PRPF40B: variants seen among roughly 807,000 people sequenced by gnomAD.
The protein encoded by PRPF40B is pre-mRNA processing factor 40B, also known as pre-mRNA-processing factor 40 homolog B.
In PRPF40B, 56 loss-of-function variants were observed where a neutral mutation model predicts 124.5. That is an observed-to-expected ratio of 0.45 (90% CI 0.36 to 0.56). PRPF40B has a LOEUF of 0.56. PRPF40B is among the 20% of genes least tolerant of loss of function. The pLI, the probability that PRPF40B is intolerant of heterozygous loss-of-function variation, is 0.00. For synonymous variants in PRPF40B, 443 were observed against 426.4 expected, an observed-to-expected ratio of 1.04 and a Z score of -0.48; for missense variants, 1,053 against 1,169.5, an observed-to-expected ratio of 0.90 and a Z score of 1.45.
Position 49,637,434 on chromosome 12 carries a change from T to C in PRPF40B, c.1561-36T>C, listed in dbSNP as rs372958137. On this transcript the variant is annotated intron_variant, in intron 16 of 25. Coordinates refer to ENST00000548825, the MANE Select transcript of PRPF40B (RefSeq NM_001031698.3). ...CTCAGTCTGTGGCTCTGCCTCCCTG[T>C]CTCACTCTCCCTATAACTGGCCTCT... The C allele has an allele frequency of 4.1e-6, 6 of 1,471,948 alleles. No homozygotes were observed. The African/African-American group carries it at 8.3e-5, about 20-fold the overall frequency. 91.2% of individuals were successfully genotyped at this position (1,471,948 alleles called of 1,614,324 possible).
Position 49,635,323 on chromosome 12 carries a change from T to G in PRPF40B, c.1167-42T>G, listed in dbSNP as rs772661061. On this transcript the variant is annotated intron_variant, in intron 13 of 25. Coordinates refer to ENST00000548825, the MANE Select transcript of PRPF40B (RefSeq NM_001031698.3). This position sits in a 1 kb window ranked among gnomAD's most constrained non-coding sequence, Gnocchi z 4.1. ...CCTGAGAACACAAAGGTCCAGGGTCTCTGTTCTCTGTCTACCTACTCACAG... is the reference window on the plus strand; with the variant it reads ...CCTGAGAACACAAAGGTCCAGGGTCGCTGTTCTCTGTCTACCTACTCACAG... The G allele has an allele frequency of 1.1e-5, 18 of 1,608,698 alleles. No homozygotes were observed. Among genetic ancestry groups the G allele is most frequent in the Non-Finnish European group, 1.4e-5 (16 of 1,177,440 alleles).
intron 23 of PRPF40B, 123 bp downstream of exon 23, chr12:49,643,520 G>A: frequency 7.2e-7 from 1 of 1,397,400 alleles, no homozygotes; most frequent in Non-Finnish European, 9.6e-7. Flanking sequence ...TGTGGAAGTA[G>A]AAAGAACTTC....
chr12:49,636,956 CT>C, intron 16 of PRPF40B, 107 bp downstream of exon 16: 1 of 1,525,114 alleles, frequency 6.6e-7, no homozygotes, highest in South Asian at 1.2e-5. Flanking sequence ...CTTTCTGTGC[CT>C]AGCCCTGTCC....
At chr12:49,628,810 C>T (rs1940966493) in intron 1 of PRPF40B, among the ~76,000 whole-genome samples, 1 of 150,896 alleles carries the variant, frequency 6.6e-6, no homozygotes, top group East Asian at 2.0e-4. Context: ...TCATGATCTG[C>T]CCTCCTTGGC....
intron 4 of PRPF40B, chr12:49,632,257 C>T (rs1358232121): frequency 3.5e-6 from 2 of 576,198 alleles, no homozygotes; most frequent in African/African-American, 3.7e-5. Context: ...GTCAGTAGCA[C>T]CTGGGGATCT....
intron 18 of PRPF40B, chr12:49,638,935 C>G (rs538769965): frequency 1.3e-5 from 2 of 152,314 alleles, no homozygotes; most frequent in South Asian, 4.2e-4. Flanking sequence ...CTTACAAATT[C>G]ACGTAGGTGT....
chr12:49,641,978 G>A lies in PRPF40B; in HGVS notation c.1838G>A (p.Arg613Lys). Residue 613 changes from arginine to lysine, a missense_variant, in exon 19 of 26, where the codon AGG becomes AAG. This residue lies in a region of PRPF40B where 895 missense variants were observed against 1,052.2 expected (regional missense o/e 0.85). Coordinates refer to ENST00000548825, the MANE Select transcript of PRPF40B (RefSeq NM_001031698.3). Reference protein sequence around the residue: ...DFAHVISFDKRAAALDAGNIK... With the variant: ...DFAHVISFDKKAAALDAGNIK... ...GCCCACGTCATAAGCTTTGACAAGA[G>A]GGCTGCCGCACTGGACGCAGGCAAC... 6.2e-7 allele frequency: 1 copy of A among 1,613,870 alleles called. No homozygotes were observed. Among genetic ancestry groups the A allele is most frequent in the Non-Finnish European group, 8.5e-7 (1 of 1,180,050 alleles).
chr12:49,642,443 A>G lies in PRPF40B; in HGVS notation c.2022+71A>G. 6.3e-7 allele frequency: 1 copy of G among 1,578,516 alleles called. No homozygotes were observed. The highest frequency in any genetic ancestry group is 1.1e-5 in the South Asian group (1 of 90,012). On this transcript the variant is annotated intron_variant, in intron 20 of 25. Transcript: ENST00000548825. The surrounding 1 kb of genome is among the most constrained non-coding windows in gnomAD (Gnocchi z 5.8). ...AGCGGTGCTTCACCACTGAGGGCCC[A>G]CCCCAGTCACGTCACAGCCCTGGGC...
Position 49,635,808 on chromosome 12 carries a change from C to G in PRPF40B, c.1276-35C>G. The G allele has an allele frequency of 6.2e-7, 1 of 1,610,254 alleles. No individual in the cohort carries two copies. Reference sequence around the variant, plus strand: ...CCAGGCCTACTTGGGTAGCTCTGGCCTGCCCTGCCTCACCCTGATCCTGTG... The same window carrying G: ...CCAGGCCTACTTGGGTAGCTCTGGCGTGCCCTGCCTCACCCTGATCCTGTG... On this transcript the variant is annotated intron_variant, in intron 14 of 25. Coordinates refer to ENST00000548825, the MANE Select transcript of PRPF40B (RefSeq NM_001031698.3). The surrounding 1 kb of genome is among the most constrained non-coding windows in gnomAD (Gnocchi z 4.1).
rs1565833666 is a variant in PRPF40B, at chr12:49,634,925, TC to T, written c.1002-173del. On this transcript the variant is annotated intron_variant, in intron 12 of 25. Coordinates refer to ENST00000548825, the MANE Select transcript of PRPF40B (RefSeq NM_001031698.3). The stretch of plus-strand genomic sequence containing the variant: ...ATTTGCAGTGTCTTGGAGCTGCATC[TC>T]TTCCCCTCACTTCCTGTCACCCCTA... 8 of 725,310 alleles carry T rather than the reference TC, an allele frequency of 1.1e-5. No homozygotes were observed. The African/African-American group carries it at 1.4e-4, about 13-fold the overall frequency. 44.9% of individuals were successfully genotyped at this position (725,310 alleles called of 1,614,324 possible).
In PRPF40B at chr12:49,641,835, T is replaced by A. The variant is rs992775763; in HGVS notation, c.1768-73T>A. ...CAAGGGCCTTCTTGACCATCTGTAATGTGACCACTCTGCCTGCCAGCTTTG... is the reference window on the plus strand; with the variant it reads ...CAAGGGCCTTCTTGACCATCTGTAAAGTGACCACTCTGCCTGCCAGCTTTG... On this transcript the variant is annotated intron_variant, in intron 18 of 25. Coordinates refer to ENST00000548825, the MANE Select transcript of PRPF40B (RefSeq NM_001031698.3). 4 of 1,274,760 alleles carry A rather than the reference T, an allele frequency of 3.1e-6. No individual in the cohort carries two copies. In the African/African-American group the frequency reaches 5.8e-5, roughly 19 times the overall value. 79.0% of individuals were successfully genotyped at this position (1,274,760 alleles called of 1,614,324 possible). A position where few individuals can be genotyped will look rare whatever the true frequency, so the allele number is the denominator to read the frequency against.
chr12:49,642,248 C>T lies in PRPF40B; in HGVS notation c.1898C>T (p.Ala633Val), dbSNP rs767944850. 6.2e-7 allele frequency: 1 copy of T among 1,614,028 alleles called. No homozygotes were observed. The highest frequency in any genetic ancestry group is 8.5e-7 in the Non-Finnish European group (1 of 1,180,018). The change falls in exon 20 of 26, where the codon GCA becomes GTA. Residue 633 changes from alanine to valine, a missense_variant. Transcript: ENST00000548825. This position sits in a 1 kb window ranked among gnomAD's most constrained non-coding sequence, Gnocchi z 5.8. ...TTCTTTCCTCAGCTGCTGGAGAAAG[C>T]AGAGGCACGGGAGAGGGAGCGGGAG... ...KLTFNSLLEK[A>V]EAREREREKE... is the part of the protein sequence containing the mutation.
intron 18 of PRPF40B, chr12:49,639,266 C>T (rs1418354395): frequency 1.3e-5 from 2 of 152,192 alleles, no homozygotes; most frequent in African/African-American, 2.4e-5. Flanking sequence ...CCTCAAGATA[C>T]TAAAACTGAT....
intron 22 of PRPF40B, 90 bp from the exon 23 acceptor site, chr12:49,643,133 C>T: frequency 6.3e-7 from 1 of 1,587,970 alleles, no homozygotes; most frequent in Non-Finnish European, 8.6e-7. Context: ...TCCTTTGGCC[C>T]TGGGTCCTCC....
rs1941710806 is a variant in PRPF40B at position 49,635,665 on chromosome 12, A to C, written c.1276-178A>C. ...AGTCCTGGGTGTAGCAGGGAGGAGG[A>C]GTCTCTGAGAGATGGGTCTGTAACC... is the stretch of plus-strand genomic sequence containing the variant. On this transcript the variant is annotated intron_variant, in intron 14 of 25. Transcript: ENST00000548825. The surrounding 1 kb of genome is among the most constrained non-coding windows in gnomAD (Gnocchi z 4.1). 6.6e-6 allele frequency among the ~76,000 whole-genome samples: 1 copy of C among 152,056 alleles called. No homozygotes were observed. Among genetic ancestry groups the C allele is most frequent in the South Asian group, 2.1e-4 (1 of 4,822 alleles).
intron 15 of PRPF40B, 81 bp from the exon 16 acceptor site, chr12:49,636,635 T>C: frequency 6.3e-7 from 1 of 1,585,584 alleles, no homozygotes; most frequent in South Asian, 1.1e-5. Flanking sequence ...TAGGACAGCA[T>C]CGTTGAAACA....
At position 49,634,443 on chromosome 12, in the gene PRPF40B, G is replaced by T; in HGVS notation, c.924G>T (p.Leu308=). Residue 308 remains leucine, a synonymous_variant, in exon 11 of 26, where the codon CTG becomes CTT. Coordinates refer to ENST00000548825, the MANE Select transcript of PRPF40B (RefSeq NM_001031698.3). Reference sequence around the variant, plus strand: ...AGGCAAAGCAGGCATTCAAGGAACTGCTGAGGGACAAGGTGCTGGAGTGGG... The same window carrying T: ...AGGCAAAGCAGGCATTCAAGGAACTTCTGAGGGACAAGGTGCTGGAGTGGG... The part of the protein sequence containing the change: ...REKAKQAFKE[L]LRDKAVPSNA... 1 of 1,614,192 alleles carries T rather than the reference G, an allele frequency of 6.2e-7. No individual in the cohort carries two copies. Among genetic ancestry groups the T allele is most frequent in the Non-Finnish European group, 8.5e-7 (1 of 1,180,002 alleles).
At position 49,637,534 on chromosome 12, in the gene PRPF40B, A is replaced by T. The variant is rs770270126; in HGVS notation, c.1625A>T (p.Tyr542Phe). 1 of 1,613,804 alleles carries T rather than the reference A, an allele frequency of 6.2e-7. No individual in the cohort carries two copies. Among genetic ancestry groups the T allele is most frequent in the South Asian group, 1.1e-5 (1 of 91,074 alleles). ...TCTATGTCCACCTGGATGGAGCTAT[A>T]TCCAGCAGTCAGCACTGATGTCCGC... ...LHSMSTWMEL[Y>F]PAVSTDVRFA... The change falls in exon 17 of 26, where the codon TAT becomes TTT. Residue 542 changes from tyrosine (Y) to phenylalanine (F), a missense_variant. Tyr to Phe is a conservative substitution (Grantham distance 22). Coordinates refer to ENST00000548825, the MANE Select transcript of PRPF40B (RefSeq NM_001031698.3).
intron 18 of PRPF40B, chr12:49,639,429 C>T (rs1942296102): frequency 2.0e-5 from 3 of 152,302 alleles, no homozygotes; most frequent in Middle Eastern, 3.1e-3. Flanking sequence ...AGTCAGTAGG[C>T]TGTGCAGGAA....
Sources: gnomAD v4.1 joint callset for allele counts (sites outside exome capture counted in the v4.1 genomes callset) on GRCh38, gnomAD v4.1.1 for gene constraint, gnomAD v4.1.1 regional missense constraint, Gnocchi (gnomAD v3.1) non-coding constraint, MANE v1.5 for transcripts, NCBI Gene and HGNC (gene_info 2026-07-23, HGNC 2026-07-21) for gene names.